LDLRAD3: variants seen among roughly 807,000 people sequenced by gnomAD.
LDLRAD3 encodes low-density lipoprotein receptor class A domain-containing protein 3.
LDLRAD3 carries 20 observed loss-of-function variants against 29.4 expected under a neutral mutation model. The ratio of observed to expected loss-of-function variants is 0.68; its 90% CI spans 0.48 to 0.99. LDLRAD3 has a LOEUF of 0.99. Ranked by LOEUF, LDLRAD3 falls within the 50% of genes least tolerant of loss-of-function variation. LDLRAD3 has a pLI of 0.00. For synonymous variants in LDLRAD3, 157 were observed against 192.7 expected, an observed-to-expected ratio of 0.81 and a Z score of 1.53; for missense variants, 420 against 454.3, an observed-to-expected ratio of 0.92 and a Z score of 0.69.
chr11:35,999,660 A>G (rs368395402), intron 1 of LDLRAD3, among the ~76,000 whole-genome samples: 1 of 152,124 alleles, frequency 6.6e-6, no homozygotes, highest in African/African-American at 2.4e-5. Flanking sequence ...AAAGTGCACT[A>G]ATTCTGAAGA....
At chr11:35,952,265 A>G (rs1851145026) in intron 1 of LDLRAD3, among the ~76,000 whole-genome samples, 1 of 152,198 alleles carries the variant, frequency 6.6e-6, no homozygotes, top group South Asian at 2.1e-4. Context: ...CTGCTTTGGT[A>G]TAGAATAGAA....
At chr11:36,054,977 G>A (rs1852593733) in intron 2 of LDLRAD3, among the ~76,000 whole-genome samples, 1 of 120,716 alleles carries the variant, frequency 8.3e-6, no homozygotes, top group East Asian at 2.9e-4. Context: ...ATGCATGGAT[G>A]GATGGATGGA....
chr11:36,114,266 C>T (rs1049851324), intron 4 of LDLRAD3, among the ~76,000 whole-genome samples: 3 of 152,164 alleles, frequency 2.0e-5, no homozygotes, highest in African/African-American at 4.8e-5. Flanking sequence ...GCTGTCCCTC[C>T]TTGGGCTCAC....
chr11:36,012,751 C>T (rs1851971979), intron 1 of LDLRAD3, among the ~76,000 whole-genome samples: 1 of 151,888 alleles, frequency 6.6e-6, no homozygotes, highest in African/African-American at 2.4e-5. Context: ...TGGAATTTTC[C>T]ATTAATATTT....
At chr11:35,975,821 G>A (rs1343714450) in intron 1 of LDLRAD3, among the ~76,000 whole-genome samples, 7 of 148,232 alleles carry the variant, frequency 4.7e-5, no homozygotes, top group African/African-American at 7.8e-5. Context: ...ACAGGAGGGA[G>A]CACTGGGGAT....
At chr11:36,037,643 C>A (rs2133211421) in intron 2 of LDLRAD3, among the ~76,000 whole-genome samples, 1 of 152,180 alleles carries the variant, frequency 6.6e-6, no homozygotes, top group South Asian at 2.1e-4. Flanking sequence ...TATTTCTGAC[C>A]AGAATTTGGG....
In LDLRAD3 at chr11:36,227,124, A is replaced by C. The variant is rs533493135; in HGVS notation, c.494A>C (p.Gln165Pro). The C allele has an allele frequency of 9.9e-6, 16 of 1,609,786 alleles. No individual in the cohort carries two copies. The Admixed American group carries it at 2.7e-4, about 27-fold the overall frequency. ...CAGGTGTTTGTGACTTCAGAGAACC[A>C]ACTTGTGTATTACCCCAGCATCACC... Reference protein sequence around the residue: ...SGQVFVTSENQLVYYPSITYA... With the variant: ...SGQVFVTSENPLVYYPSITYA... Residue 165 changes from glutamine (Q) to proline (P), a missense_variant, in exon 5 of 6, where the codon CAA becomes CCA. Coordinates refer to ENST00000315571, the MANE Select transcript of LDLRAD3 (RefSeq NM_174902.4).
intron 4 of LDLRAD3, among the ~76,000 whole-genome samples, chr11:36,198,175 A>G (rs1855063366): frequency 6.6e-6 from 1 of 152,254 alleles, no homozygotes; most frequent in Non-Finnish European, 1.5e-5. Context: ...CATGAAGGTC[A>G]TCAAATGCTT....
intron 2 of LDLRAD3, among the ~76,000 whole-genome samples, chr11:36,058,677 A>G (rs1852656577): frequency 6.6e-6 from 1 of 152,204 alleles, no homozygotes; most frequent in Admixed American, 6.5e-5. Flanking sequence ...AAGCCCAGTC[A>G]ACTCTACTTC....
intron 4 of LDLRAD3, among the ~76,000 whole-genome samples, chr11:36,150,444 C>T (rs1272703287): frequency 6.6e-6 from 1 of 151,422 alleles, no homozygotes; most frequent in Non-Finnish European, 1.5e-5. Flanking sequence ...GGGAGGATCA[C>T]TTGCACCCAG....
chr11:36,128,136 G>GTATATATATATATATATATATATATA (rs1565242649), intron 4 of LDLRAD3, among the ~76,000 whole-genome samples: 1 of 93,882 alleles, frequency 1.1e-5, no homozygotes, highest in African/African-American at 4.2e-5. Context: ...ATATATATAT[G>GTATATATATATATATATATATATATA]TATATGACAT....
intron 4 of LDLRAD3, among the ~76,000 whole-genome samples, chr11:36,168,498 C>CTTTTTTTTTTTTTTTTTTTTTTTTTTCT (rs5791083): frequency 8.6e-6 from 1 of 115,830 alleles, no homozygotes; most frequent in African/African-American, 3.2e-5. Flanking sequence ...TTTCTTTCTT[C>CTTTTTTTTTTTTTTTTTTTTTTTTTTCT]TTTTTTTTTT....
chr11:36,169,219 A>G (rs570961216), intron 4 of LDLRAD3, among the ~76,000 whole-genome samples: 10 of 152,322 alleles, frequency 6.6e-5, no homozygotes, highest in African/African-American at 2.4e-4. Flanking sequence ...TGACAAATGC[A>G]TACAATGCAT....
chr11:35,964,667 A>G (rs1254115347), intron 1 of LDLRAD3, among the ~76,000 whole-genome samples: 3 of 152,118 alleles, frequency 2.0e-5, no homozygotes, highest in African/African-American at 7.2e-5. Flanking sequence ...TTTCACTTGA[A>G]TGGTGAGAGT....
chr11:36,000,849 T>C (rs1412080468), intron 1 of LDLRAD3, among the ~76,000 whole-genome samples: 1 of 151,974 alleles, frequency 6.6e-6, no homozygotes, highest in Admixed American at 6.6e-5. Flanking sequence ...GCTGCTGTAG[T>C]GGTTCCAGCA....
At chr11:35,965,398 G>A (rs1004286420) in intron 1 of LDLRAD3, among the ~76,000 whole-genome samples, 5 of 152,194 alleles carry the variant, frequency 3.3e-5, no homozygotes, top group Admixed American at 3.3e-4. Flanking sequence ...GGGTGTTCTT[G>A]TAACACACAT....
intron 2 of LDLRAD3, among the ~76,000 whole-genome samples, chr11:36,037,716 G>A (rs1428217624): frequency 6.6e-6 from 1 of 152,192 alleles, no homozygotes; most frequent in Non-Finnish European, 1.5e-5. Flanking sequence ...TCTGGAGCAA[G>A]CTGCCCCCTC....
At position 36,031,078 on chromosome 11, in the gene LDLRAD3, A is replaced by ATT. The variant is rs111708085; in HGVS notation, c.47-5014_47-5013dup. Among the ~76,000 whole-genome samples the ATT allele has an allele frequency of 9.5e-5, 14 of 147,168 alleles. No individual in the cohort carries two copies. In the South Asian group the frequency reaches 2.2e-3, roughly 23 times the overall value. ...TTTGTCCAATAGAATGGGACTTGTA[A>ATT]TTTTTTTTTTTTCATTCTTGGTGCA... On this transcript the variant is annotated intron_variant, in intron 1 of 5. Coordinates refer to ENST00000315571, the MANE Select transcript of LDLRAD3 (RefSeq NM_174902.4).
At position 35,983,850 on chromosome 11, in the gene LDLRAD3, C is replaced by T. The variant is rs186845274; in HGVS notation, c.46+39706C>T. On this transcript the variant is annotated intron_variant, in intron 1 of 5. Coordinates refer to ENST00000315571, the MANE Select transcript of LDLRAD3 (RefSeq NM_174902.4). ...ACGTTGGCCAGGCTGGCCTCGAACT[C>T]CTGACCTCAAGTGATCCGCCTGCCT... 3.9e-5 allele frequency among the ~76,000 whole-genome samples: 6 copies of T among 152,284 alleles called. No homozygotes were observed. The East Asian group carries it at 1.2e-3, about 29-fold the overall frequency.
Sources: allele counts gnomAD v4.1 joint callset (sites outside exome capture counted in the v4.1 genomes callset), GRCh38; gene constraint gnomAD v4.1.1; transcripts MANE v1.5; gene names NCBI Gene and HGNC (gene_info 2026-07-23, HGNC 2026-07-21).